The following DGKG variants were observed in gnomAD, a reference collection of about 807,000 sequenced individuals.
DGKG encodes DAG kinase gamma.
Under a neutral mutation model 105.3 loss-of-function variants are expected in DGKG, and 78 were observed. That is an observed-to-expected ratio of 0.74 (90% CI 0.62 to 0.89). DGKG has a LOEUF of 0.89. Ranked by LOEUF, DGKG falls within the 40% of genes least tolerant of loss-of-function variation. The pLI, the probability that DGKG is intolerant of heterozygous loss-of-function variation, is 0.00. For synonymous variants in DGKG, 346 were observed against 367.1 expected, an observed-to-expected ratio of 0.94 and a Z score of 0.66; for missense variants, 958 against 1,020.1, an observed-to-expected ratio of 0.94 and a Z score of 0.83.
At chr3:186,204,499 T>C (rs1224592411) in intron 21 of DGKG, among the ~76,000 whole-genome samples, 1 of 152,196 alleles carries the variant, frequency 6.6e-6, no homozygotes, top group Non-Finnish European at 1.5e-5. Context: ...TCATTATTTG[T>C]GCTAAATGTT....
At chr3:186,238,255 C>T (rs1450524407) in intron 20 of DGKG, among the ~76,000 whole-genome samples, 2 of 133,758 alleles carry the variant, frequency 1.5e-5, no homozygotes, top group Non-Finnish European at 3.1e-5. Context: ...AAGATCACAC[C>T]ACTGCACTCC....
intron 1 of DGKG, among the ~76,000 whole-genome samples, chr3:186,355,367 T>C (rs1306900729): frequency 5.8e-5 from 5 of 85,626 alleles, no homozygotes; most frequent in African/African-American, 2.4e-4. Context: ...CCTACCACCA[T>C]GATCATCACC....
chr3:186,248,725 G>T (rs1447818607), intron 19 of DGKG, among the ~76,000 whole-genome samples: 3 of 152,174 alleles, frequency 2.0e-5, no homozygotes, highest in Non-Finnish European at 2.9e-5. Flanking sequence ...GACGGAGGGG[G>T]CTTCAAGGAG....
intron 1 of DGKG, among the ~76,000 whole-genome samples, chr3:186,340,486 C>T (rs2108659957): frequency 6.6e-6 from 1 of 152,086 alleles, no homozygotes; most frequent in South Asian, 2.1e-4. Flanking sequence ...AGAAACCAGC[C>T]CCAACTAAAG....
At chr3:186,348,548 C>T (rs1726473853) in intron 1 of DGKG, among the ~76,000 whole-genome samples, 1 of 148,756 alleles carries the variant, frequency 6.7e-6, no homozygotes, top group African/African-American at 2.5e-5. Context: ...ACCTCTTGGG[C>T]TCAGGTGATC....
intron 21 of DGKG, among the ~76,000 whole-genome samples, chr3:186,201,157 CTTT>C (rs571499704): frequency 6.9e-6 from 1 of 145,502 alleles, no homozygotes. Flanking sequence ...CTCTTTCTTT[CTTT>C]TTTTTTTTTT....
intron 5 of DGKG, 126 bp from the exon 6 acceptor site, chr3:186,289,006 G>A (rs1723195845): frequency 4.1e-6 from 4 of 967,456 alleles, no homozygotes; most frequent in Admixed American, 2.7e-5. Flanking sequence ...AAAAGCTTTG[G>A]TTACATAGAT....
At position 186,149,584 on chromosome 3, in the gene DGKG, G is replaced by A. The variant is rs1331101984; in HGVS notation, c.*506C>T. On this transcript the variant is annotated 3_prime_UTR_variant, in exon 25 of 25. Coordinates refer to ENST00000265022, the MANE Select transcript of DGKG (RefSeq NM_001346.3). ...CGTGCGCCTGCTGAGCCCTGCCAAG[G>A]ATTATGCTCTGAGAGCCGGAGGCCG... 1.0e-6 allele frequency: 1 copy of A among 985,690 alleles called. No individual in the cohort carries two copies. Among genetic ancestry groups the A allele is most frequent in the Admixed American group, 6.1e-5 (1 of 16,268 alleles). The allele number at this position is 985,690 out of a possible 1,614,324, so 61.1% of individuals were successfully genotyped here.
chr3:186,154,253 T>G (rs980213789), intron 24 of DGKG, among the ~76,000 whole-genome samples: 3 of 152,208 alleles, frequency 2.0e-5, no homozygotes, highest in African/African-American at 7.2e-5. Flanking sequence ...GAGGAAGGTT[T>G]GCATGGCTTT....
intron 1 of DGKG, among the ~76,000 whole-genome samples, chr3:186,337,952 C>T (rs534260032): frequency 6.6e-6 from 1 of 152,128 alleles, no homozygotes; most frequent in African/African-American, 2.4e-5. Flanking sequence ...AGCAGATTGC[C>T]TGAGCCCAGG....
intron 5 of DGKG, among the ~76,000 whole-genome samples, chr3:186,292,053 C>G (rs1017299594): frequency 2.1e-4 from 32 of 152,138 alleles, no homozygotes; most frequent in African/African-American, 7.7e-4. Flanking sequence ...ATGAAATAGC[C>G]CTGACCTATG....
At chr3:186,333,723 C>T (rs1437527366) in intron 1 of DGKG, among the ~76,000 whole-genome samples, 1 of 152,122 alleles carries the variant, frequency 6.6e-6, no homozygotes, top group Non-Finnish European at 1.5e-5. Context: ...CAGCTCATTC[C>T]CACACCAGAA....
chr3:186,149,882 GCT>G lies in DGKG; in HGVS notation c.*206_*207del. On this transcript the variant is annotated 3_prime_UTR_variant, in exon 25 of 25. Transcript: ENST00000265022. ...CATTCAAAATGTTTTGTTGGCACTGGCTCTGTTAGGGGTGTACCCACTGTTGA... is the reference window on the plus strand; with the variant it reads ...CATTCAAAATGTTTTGTTGGCACTGGCTGTTAGGGGTGTACCCACTGTTGA... 1 of 1,332,984 alleles carries G rather than the reference GCT, an allele frequency of 7.5e-7. No individual in the cohort carries two copies. The highest frequency in any genetic ancestry group is 9.6e-7 in the Non-Finnish European group (1 of 1,043,548). The allele number at this position is 1,332,984 out of a possible 1,614,324, so 82.6% of individuals were successfully genotyped here.
intron 1 of DGKG, among the ~76,000 whole-genome samples, chr3:186,328,348 A>T (rs1262064856): frequency 1.3e-5 from 2 of 152,162 alleles, no homozygotes; most frequent in African/African-American, 4.8e-5. Flanking sequence ...CTGGCAAGAG[A>T]AGTGGTGCAG....
chr3:186,327,339 T>TTCC (rs1389682627), intron 1 of DGKG, among the ~76,000 whole-genome samples: 1 of 151,074 alleles, frequency 6.6e-6, no homozygotes, highest in Non-Finnish European at 1.5e-5. Context: ...ATTTCCCCCT[T>TTCC]TCCTCCTCCT....
intron 11 of DGKG, among the ~76,000 whole-genome samples, chr3:186,269,326 C>A (rs1722207145): frequency 6.6e-6 from 1 of 152,252 alleles, no homozygotes; most frequent in African/African-American, 2.4e-5. Context: ...ACAAAACTGG[C>A]TGGAGTCCCT....
At chr3:186,255,873 C>T (rs568528743) in intron 17 of DGKG, among the ~76,000 whole-genome samples, 4 of 152,170 alleles carry the variant, frequency 2.6e-5, no homozygotes, top group South Asian at 2.1e-4. Flanking sequence ...GAATATCTTA[C>T]GCAGTTATCC....
rs541403092 is a variant in DGKG at position 186,201,610 on chromosome 3, G to C, written c.1917+10185C>G. 7.0e-4 allele frequency among the ~76,000 whole-genome samples: 107 copies of C among 152,302 alleles called. 1 individual carries two copies. The Middle Eastern group carries it at 0.014, about 19-fold the overall frequency. ...GGCCTTCTCACTCACTGCGCAGTTA[G>C]GAGAAGGCATGAGTGCCAGCCATCT... On this transcript the variant is annotated intron_variant, in intron 21 of 24. Coordinates refer to ENST00000265022, the MANE Select transcript of DGKG (RefSeq NM_001346.3).
At chr3:186,253,020 C>T in intron 18 of DGKG, 73 bp downstream of exon 18, 3 of 1,348,764 alleles carry the variant, frequency 2.2e-6, no homozygotes, top group East Asian at 4.6e-5. Context: ...GTAAGTTCAG[C>T]CTAGCTCTGT....
Sources: gnomAD v4.1 joint callset for allele counts (sites outside exome capture counted in the v4.1 genomes callset) on GRCh38, gnomAD v4.1.1 for gene constraint, MANE v1.5 for transcripts, NCBI Gene and HGNC (gene_info 2026-07-23, HGNC 2026-07-21) for gene names.